Variants in SYNPO observed in about 807,000 individuals in gnomAD.
SYNPO encodes the protein synaptopodin.
In SYNPO, 19 loss-of-function variants were observed where a neutral mutation model predicts 49.5. That is an observed-to-expected ratio of 0.38 (90% CI 0.27 to 0.56). The LOEUF is 0.56. Among genes scored for constraint, SYNPO ranks in the 20% least tolerant of loss-of-function variants. The pLI is 0.68. For synonymous variants in SYNPO, 536 were observed against 548.0 expected, an observed-to-expected ratio of 0.98 and a Z score of 0.31; for missense variants, 1,131 against 1,248.3, an observed-to-expected ratio of 0.91 and a Z score of 1.42.
upstream of SYNPO, among the ~76,000 whole-genome samples, chr5:150,636,384 G>A (rs1184154597): frequency 2.6e-5 from 4 of 152,102 alleles, no homozygotes; most frequent in Non-Finnish European, 5.9e-5. Context: ...ATTAGTGGTG[G>A]GGGCACCACA....
chr5:150,635,586 A>C (rs1757688630), intron 2 of SYNPO, among the ~76,000 whole-genome samples: 1 of 151,962 alleles, frequency 6.6e-6, no homozygotes, highest in Admixed American at 6.5e-5. Context: ...CTCTTGCCTC[A>C]GCCCCTCAGA....
At chr5:150,593,196 G>A in the SYNPO span, among the ~76,000 whole-genome samples, 1 of 152,338 alleles carries the variant, frequency 6.6e-6, no homozygotes, top group African/African-American at 2.4e-5. Context: ...GGGCATGCCT[G>A]GAGGCCCTGA....
chr5:150,632,709 C>T (rs908068774), intron 2 of SYNPO, among the ~76,000 whole-genome samples: 5 of 152,154 alleles, frequency 3.3e-5, no homozygotes, highest in Non-Finnish European at 7.4e-5. Context: ...GACGTCTTTC[C>T]CTGCTTGTCC....
At chr5:150,589,063 A>ATTTT in the SYNPO span, among the ~76,000 whole-genome samples, 502 of 145,302 alleles carry the variant, frequency 3.5e-3, 1 homozygote, top group African/African-American at 5.5e-3. Context: ...TGCTTTATAG[A>ATTTT]TTTTTTTTTT....
At chr5:150,655,345 T>G (rs1393594493) in intron 2 of SYNPO, among the ~76,000 whole-genome samples, 3 of 152,172 alleles carry the variant, frequency 2.0e-5, no homozygotes, top group African/African-American at 7.2e-5. Flanking sequence ...ACCTCCCTGC[T>G]CAGGGTGACA....
At chr5:150,591,995 G>A in the SYNPO span, among the ~76,000 whole-genome samples, 9 of 152,082 alleles carry the variant, frequency 5.9e-5, no homozygotes, top group African/African-American at 1.9e-4. Context: ...GAGAAACCCC[G>A]TCTCTACTAA....
chr5:150,653,271 G>C (rs929432252), intron 2 of SYNPO: 2 of 152,232 alleles, frequency 1.3e-5, no homozygotes, highest in African/African-American at 4.8e-5. Context: ...GGTGAGGTCA[G>C]GCTCTGGCCC....
intron 1 of SYNPO, among the ~76,000 whole-genome samples, chr5:150,616,672 C>T (rs1756991712): frequency 6.6e-6 from 1 of 152,212 alleles, no homozygotes; most frequent in African/African-American, 2.4e-5. Flanking sequence ...CACTAAACAG[C>T]TGCTCCTTCT....
intron 1 of SYNPO, among the ~76,000 whole-genome samples, chr5:150,646,242 G>C (rs1048398577): frequency 2.0e-5 from 3 of 152,022 alleles, no homozygotes; most frequent in African/African-American, 2.4e-5. Flanking sequence ...GGGAGGCCGA[G>C]GTGGGAGGAT....
chr5:150,647,055 C>T (rs1041033759), intron 1 of SYNPO, among the ~76,000 whole-genome samples: 7 of 152,052 alleles, frequency 4.6e-5, no homozygotes, highest in Admixed American at 4.6e-4. Flanking sequence ...CCAGCCTGGC[C>T]TACATGGTGA....
chr5:150,594,075 T>C, the SYNPO span, among the ~76,000 whole-genome samples: 2 of 152,172 alleles, frequency 1.3e-5, no homozygotes, highest in Non-Finnish European at 2.9e-5. Flanking sequence ...ACCCTGGCGC[T>C]GTCCTTCTTC....
At chr5:150,592,096 C>T in the SYNPO span, among the ~76,000 whole-genome samples, 3 of 152,082 alleles carry the variant, frequency 2.0e-5, no homozygotes, top group Middle Eastern at 3.4e-3. Context: ...ACCCGGGAGA[C>T]GGAGGTTGCG....
At chr5:150,645,480 C>T (rs1461447723) in intron 1 of SYNPO, among the ~76,000 whole-genome samples, 2 of 152,196 alleles carry the variant, frequency 1.3e-5, no homozygotes, top group Admixed American at 1.3e-4. Context: ...ATAAATTGAG[C>T]ATCAACTGTG....
At chr5:150,618,555 G>T (rs1404215611) in exon 2 of SYNPO, 2 of 1,550,648 alleles carry the variant, frequency 1.3e-6, no homozygotes, top group East Asian at 4.9e-5. Context: ...GGGGTCAGCA[G>T]GAGTGGGGAC....
intron 2 of SYNPO, among the ~76,000 whole-genome samples, chr5:150,620,526 A>G (rs1344887706): frequency 6.6e-6 from 1 of 152,238 alleles, no homozygotes; most frequent in African/African-American, 2.4e-5. Flanking sequence ...TGATCCAGTC[A>G]TGGTTTTTTG....
intron 1 of SYNPO, among the ~76,000 whole-genome samples, chr5:150,608,065 C>A (rs1213163032): frequency 2.0e-5 from 3 of 152,242 alleles, no homozygotes; most frequent in African/African-American, 7.2e-5. Flanking sequence ...CCTTTCGAGG[C>A]ACTCGCTGTG....
Position 150,649,515 on chromosome 5 carries a change from G to C in SYNPO, c.1240G>C (p.Val414Leu). Reference sequence around the variant, plus strand: ...GCGGCGGCAGAGGGACCAGGGGGAGGTAGGCGTGGAGGAGGAGCCCTTCGC... The same window carrying C: ...GCGGCGGCAGAGGGACCAGGGGGAGCTAGGCGTGGAGGAGGAGCCCTTCGC... ...EKRRQRDQGE[V>L]GVEEEPFALG... Residue 414 changes from valine (V) to leucine (L), a missense_variant, in exon 2 of 3, where the codon GTA becomes CTA. Physicochemically the swap from Val to Leu is conservative, Grantham distance 32 (BLOSUM62 1). This residue lies in a region of SYNPO where 602 missense variants were observed against 720.7 expected (regional missense o/e 0.84). Coordinates refer to ENST00000307662, the MANE Select transcript of SYNPO (RefSeq NM_007286.6). The C allele has an allele frequency of 1.9e-6, 3 of 1,612,428 alleles. No homozygotes were observed. The highest frequency in any genetic ancestry group is 2.5e-6 in the Non-Finnish European group (3 of 1,179,302).
chr5:150,651,484 A>C (rs1758384971), intron 2 of SYNPO: 1 of 1,000,776 alleles, frequency 1.0e-6, no homozygotes, highest in East Asian at 1.1e-4. Flanking sequence ...AGAAAGAGAA[A>C]GGAAATGGGC....
chr5:150,605,137 C>G (rs1018360111), intron 1 of SYNPO, among the ~76,000 whole-genome samples: 1 of 152,184 alleles, frequency 6.6e-6, no homozygotes, highest in African/African-American at 2.4e-5. Flanking sequence ...GAGGCCTTTG[C>G]TCCTCAAATT....
Sources: allele counts gnomAD v4.1 joint callset (sites outside exome capture counted in the v4.1 genomes callset), GRCh38; gene constraint gnomAD v4.1.1; regional missense constraint gnomAD v4.1.1; transcripts MANE v1.5; gene names NCBI Gene and HGNC (gene_info 2026-07-23, HGNC 2026-07-21).